Variants in ADK observed in about 807,000 individuals in gnomAD.
ADK encodes N6,N6-dimethyladenosine kinase.
A neutral mutation model predicts 44.7 loss-of-function variants in ADK; 24 were observed. The ratio of observed to expected loss-of-function variants is 0.54; its 90% confidence interval spans 0.39 to 0.76. The LOEUF is 0.76. ADK is among the 30% of genes least tolerant of loss of function. The pLI is 0.00. For missense variants in ADK, 321 were observed against 425.1 expected, an observed-to-expected ratio of 0.76 and a Z score of 2.15; for synonymous variants, 128 against 142.6, an observed-to-expected ratio of 0.90 and a Z score of 0.73.
intron 6 of ADK, among the ~76,000 whole-genome samples, chr10:74,522,501 C>T (rs1382476500): frequency 1.3e-5 from 2 of 152,124 alleles, no homozygotes; most frequent in Non-Finnish European, 2.9e-5. Flanking sequence ...TCTCTCTTAA[C>T]GTCTCAGAAT....
At chr10:74,508,209 A>G (rs1848156325) in intron 6 of ADK, among the ~76,000 whole-genome samples, 1 of 152,162 alleles carries the variant, frequency 6.6e-6, no homozygotes, top group African/African-American at 2.4e-5. Flanking sequence ...AAGATATAGG[A>G]TGATTAAATC....
chr10:74,200,462 C>A (rs1305906796), intron 1 of ADK, among the ~76,000 whole-genome samples: 2 of 139,486 alleles, frequency 1.4e-5, no homozygotes, highest in Admixed American at 1.5e-4. Context: ...CCGGCCTGGG[C>A]GACAAGAGCG....
intron 2 of ADK, among the ~76,000 whole-genome samples, chr10:74,201,662 A>G (rs1177727681): frequency 2.0e-4 from 23 of 115,276 alleles, no homozygotes; most frequent in African/African-American, 8.3e-4. Context: ...GTATGTATGT[A>G]TGTATGTATG....
intron 7 of ADK, among the ~76,000 whole-genome samples, chr10:74,570,562 G>A (rs1185762760): frequency 6.6e-6 from 1 of 152,068 alleles, no homozygotes; most frequent in East Asian, 1.9e-4. Context: ...ATTGTGAATG[G>A]GATTTCACTC....
At chr10:74,493,493 T>TAG (rs745924721) in intron 6 of ADK, among the ~76,000 whole-genome samples, 1 of 151,154 alleles carries the variant, frequency 6.6e-6, no homozygotes, top group East Asian at 1.9e-4. Flanking sequence ...TATATAGATA[T>TAG]AGAGAGAGAT....
intron 9 of ADK, among the ~76,000 whole-genome samples, chr10:74,660,729 CAAAA>C (rs747443907): frequency 2.2e-5 from 2 of 92,878 alleles, no homozygotes; most frequent in Admixed American, 1.3e-4. Flanking sequence ...GACCCTGTCT[CAAAA>C]AAAAAAAAAA....
intron 8 of ADK, among the ~76,000 whole-genome samples, chr10:74,593,649 ACAT>A (rs1398732644): frequency 1.3e-5 from 2 of 152,160 alleles, no homozygotes; most frequent in Non-Finnish European, 1.5e-5. Flanking sequence ...TGGCACTGAC[ACAT>A]CATATAAACA....
chr10:74,564,609 C>T (rs901246719), intron 7 of ADK, among the ~76,000 whole-genome samples: 2 of 151,720 alleles, frequency 1.3e-5, no homozygotes, highest in Admixed American at 6.6e-5. Context: ...CGTTTGTATA[C>T]AATACTATAA....
At chr10:74,703,893 C>T (rs1301791285) in intron 10 of ADK, among the ~76,000 whole-genome samples, 2 of 152,126 alleles carry the variant, frequency 1.3e-5, no homozygotes, top group African/African-American at 2.4e-5. Context: ...GCAAATGGTG[C>T]AAAATGTTAA....
chr10:74,233,221 G>A (rs1844843648), intron 3 of ADK, among the ~76,000 whole-genome samples: 1 of 152,136 alleles, frequency 6.6e-6, no homozygotes, highest in Non-Finnish European at 1.5e-5. Context: ...AAAAACTGGG[G>A]ATATTAAGGT....
intron 2 of ADK, among the ~76,000 whole-genome samples, chr10:74,206,717 C>G (rs1348814092): frequency 6.6e-6 from 1 of 152,160 alleles, no homozygotes; most frequent in Non-Finnish European, 1.5e-5. Context: ...TGGGCTAATA[C>G]TATGTGTAGT....
intron 3 of ADK, among the ~76,000 whole-genome samples, chr10:74,274,660 G>C (rs1262280664): frequency 6.7e-6 from 1 of 149,356 alleles, no homozygotes; most frequent in Non-Finnish European, 1.5e-5. Flanking sequence ...ATATTGAGTA[G>C]GCTAAGGAGG....
intron 4 of ADK, among the ~76,000 whole-genome samples, chr10:74,384,044 CCACTCTG>C: frequency 6.6e-6 from 1 of 152,064 alleles, no homozygotes; most frequent in Non-Finnish European, 1.5e-5. Context: ...TCTTCTTTGG[CCACTCTG>C]CAAAGACTAA....
intron 6 of ADK, among the ~76,000 whole-genome samples, chr10:74,494,379 A>C (rs915886619): frequency 1.3e-5 from 2 of 152,154 alleles, no homozygotes; most frequent in Non-Finnish European, 2.9e-5. Flanking sequence ...TTGATAAATC[A>C]GTTTTCAGCA....
intron 7 of ADK, among the ~76,000 whole-genome samples, chr10:74,549,643 C>A (rs747476433): frequency 2.0e-5 from 3 of 151,832 alleles, no homozygotes; most frequent in Admixed American, 6.6e-5. Context: ...TGCCATGTTG[C>A]CCAGGCTGGT....
At chr10:74,599,733 G>T (rs1852051163) in intron 8 of ADK, among the ~76,000 whole-genome samples, 1 of 152,150 alleles carries the variant, frequency 6.6e-6, no homozygotes, top group South Asian at 2.1e-4. Flanking sequence ...GTGAAAAACA[G>T]CATCAGAGTT....
At chr10:74,437,475 A>G (rs975147811) in intron 6 of ADK, among the ~76,000 whole-genome samples, 18 of 152,326 alleles carry the variant, frequency 1.2e-4, no homozygotes, top group South Asian at 4.1e-4. Context: ...GTACCACTGC[A>G]GGGTTTGACT....
chr10:74,316,876 C>T lies in ADK; in HGVS notation c.273+2131C>T, dbSNP rs719944. On this transcript the variant is annotated intron_variant, in intron 4 of 10. Transcript: ENST00000539909. ...CTCATAATAAAACAGTCATTGCCTA[C>T]TTTTATTCTTTTGCACTTTTTTTTT... 2.3e-3 allele frequency among the ~76,000 whole-genome samples: 269 copies of T among 117,316 alleles called. 1 individual carries two copies. Among genetic ancestry groups the T allele is most frequent in the African/African-American group, 6.4e-3 (228 of 35,554 alleles). The allele number at this position is 117,316 out of a possible 152,430, so 77.0% of individuals were successfully genotyped here.
intron 6 of ADK, among the ~76,000 whole-genome samples, chr10:74,456,592 G>A (rs12268556): frequency 6.7e-6 from 1 of 149,242 alleles, no homozygotes; most frequent in Non-Finnish European, 1.5e-5. Flanking sequence ...GCGTGAACCC[G>A]GGAGGCGGAG....
Sources: allele counts gnomAD v4.1 joint callset (sites outside exome capture counted in the v4.1 genomes callset), GRCh38; gene constraint gnomAD v4.1.1; transcripts MANE v1.5; gene names NCBI Gene and HGNC (gene_info 2026-07-23, HGNC 2026-07-21).